FRMD3: variants seen among roughly 807,000 people sequenced by gnomAD.
The protein encoded by FRMD3 is FERM domain-containing protein 3.
Under a neutral mutation model 70.2 loss-of-function variants are expected in FRMD3, and 33 were observed. That is an observed-to-expected ratio of 0.47 (90% CI 0.36 to 0.63). The LOEUF (loss-of-function observed/expected upper bound fraction) is 0.63, where lower values mean the gene tolerates loss of function less well. Ranked by LOEUF, FRMD3 falls within the 20% of genes least tolerant of loss-of-function variation. FRMD3 has a pLI of 0.00. For synonymous variants in FRMD3, 279 were observed against 255.9 expected, an observed-to-expected ratio of 1.09 and a Z score of -0.86; for missense variants, 632 against 711.4, an observed-to-expected ratio of 0.89 and a Z score of 1.27.
chr9:83,494,460 T>C (rs1442436530), intron 1 of FRMD3, among the ~76,000 whole-genome samples: 1 of 152,216 alleles, frequency 6.6e-6, no homozygotes, highest in Non-Finnish European at 1.5e-5. Context: ...ATCTGGGATG[T>C]TTCCCCCACT....
At position 83,444,551 on chromosome 9, in the gene FRMD3, C is replaced by T. The variant is rs112456562; in HGVS notation, c.148-54843G>A. On this transcript the variant is annotated intron_variant, in intron 1 of 13. Coordinates refer to ENST00000304195, the MANE Select transcript of FRMD3 (RefSeq NM_174938.6). Reference sequence around the variant, plus strand: ...CTCTGCAGAAGTGAAGTTAGTTCTCCCTGTCCCAAAACAGGACGAAAATGG... The same window carrying T: ...CTCTGCAGAAGTGAAGTTAGTTCTCTCTGTCCCAAAACAGGACGAAAATGG... Among the ~76,000 whole-genome samples the T allele has an allele frequency of 4.1e-3, 620 of 152,244 alleles. 3 individuals carry two copies. Among genetic ancestry groups the T allele is most frequent in the African/African-American group, 0.014 (589 of 41,546 alleles).
At chr9:83,557,324 A>G in the FRMD3 span, among the ~76,000 whole-genome samples, 1 of 152,252 alleles carries the variant, frequency 6.6e-6, no homozygotes, top group Non-Finnish European at 1.5e-5. Context: ...CATGCACAAA[A>G]TAAGAAGTAA....
At chr9:83,546,070 A>G in the FRMD3 span, among the ~76,000 whole-genome samples, 7 of 152,262 alleles carry the variant, frequency 4.6e-5, no homozygotes, top group African/African-American at 1.7e-4. Flanking sequence ...CAAAAAAAAA[A>G]AAAAAGCCAG....
chr9:83,488,928 T>C (rs559742078), intron 1 of FRMD3, among the ~76,000 whole-genome samples: 8 of 151,872 alleles, frequency 5.3e-5, no homozygotes, highest in Admixed American at 5.2e-4. Context: ...GTCATCAGAA[T>C]GTCTCCCATT....
intron 13 of FRMD3, among the ~76,000 whole-genome samples, chr9:83,272,380 T>G (rs1833594685): frequency 6.6e-6 from 1 of 152,042 alleles, no homozygotes; most frequent in Non-Finnish European, 1.5e-5. Flanking sequence ...GGTGCCGGGA[T>G]TGCAGACGGA....
At chr9:83,527,180 T>G (rs1051967387) in intron 1 of FRMD3, among the ~76,000 whole-genome samples, 10 of 152,164 alleles carry the variant, frequency 6.6e-5, no homozygotes, top group Non-Finnish European at 1.2e-4. Flanking sequence ...AAAGCAAGAC[T>G]GGGAAGCCTG....
intron 1 of FRMD3, among the ~76,000 whole-genome samples, chr9:83,534,770 G>A (rs1382070807): frequency 6.6e-6 from 1 of 152,200 alleles, no homozygotes; most frequent in African/African-American, 2.4e-5. Flanking sequence ...GGGTGGAAAT[G>A]GCCCCCAGTG....
At chr9:83,294,149 A>T (rs945227165) in intron 12 of FRMD3, among the ~76,000 whole-genome samples, 4 of 152,222 alleles carry the variant, frequency 2.6e-5, no homozygotes, top group African/African-American at 9.6e-5. Context: ...GATCACATGA[A>T]TAGAATTAGT....
At chr9:83,538,418 C>G, upstream of FRMD3, 1 of 411,770 alleles carries the variant, frequency 2.4e-6, no homozygotes, top group East Asian at 3.9e-5. The surrounding 1 kb of genome is among the most constrained non-coding windows in gnomAD (Gnocchi z 4.7). Context: ...GTCCCTCCCT[C>G]TGTTCGCTCG....
At chr9:83,249,387 T>C (rs529126792) in intron 13 of FRMD3, among the ~76,000 whole-genome samples, 1 of 152,280 alleles carries the variant, frequency 6.6e-6, no homozygotes, top group South Asian at 2.1e-4. Flanking sequence ...TAGGGCTAAC[T>C]CTGCTAATTT....
At chr9:83,361,576 A>C (rs1824586095) in intron 3 of FRMD3, among the ~76,000 whole-genome samples, 1 of 152,246 alleles carries the variant, frequency 6.6e-6, no homozygotes, top group Non-Finnish European at 1.5e-5. Context: ...TAGTAAGCTA[A>C]AGAAAGAGGC....
upstream of FRMD3, chr9:83,538,529 A>AC (rs1181446435): frequency 3.8e-6 from 1 of 262,310 alleles, no homozygotes; most frequent in East Asian, 6.8e-5. The surrounding 1 kb of genome is among the most constrained non-coding windows in gnomAD (Gnocchi z 4.7). Flanking sequence ...AGAGCCTGAG[A>AC]CCCCCGGCGG....
chr9:83,422,956 C>T (rs1218595106), intron 1 of FRMD3, among the ~76,000 whole-genome samples: 1 of 152,174 alleles, frequency 6.6e-6, no homozygotes, highest in Non-Finnish European at 1.5e-5. Flanking sequence ...GGAACGAATG[C>T]TTAAGCAAAG....
intron 1 of FRMD3, among the ~76,000 whole-genome samples, chr9:83,451,916 T>C (rs1827670482): frequency 6.6e-6 from 1 of 152,262 alleles, no homozygotes; most frequent in Admixed American, 6.5e-5. Context: ...AAATTATTCA[T>C]AACTGTCAAG....
At chr9:83,362,573 AAAT>A in intron 3 of FRMD3, among the ~76,000 whole-genome samples, 1 of 152,336 alleles carries the variant, frequency 6.6e-6, no homozygotes, top group South Asian at 2.1e-4. Context: ...AGTCTCTGGT[AAAT>A]AGGGCAAGAA....
At chr9:83,395,839 C>T (rs1051914337) in intron 1 of FRMD3, among the ~76,000 whole-genome samples, 2 of 151,644 alleles carry the variant, frequency 1.3e-5, no homozygotes, top group Non-Finnish European at 2.9e-5. Context: ...TTTTGTTCAG[C>T]CTTTTAGACA....
At chr9:83,366,303 G>A (rs1187945051) in intron 3 of FRMD3, among the ~76,000 whole-genome samples, 3 of 152,190 alleles carry the variant, frequency 2.0e-5, no homozygotes, top group African/African-American at 7.2e-5. Flanking sequence ...AGGTGCTGTG[G>A]CTCTCGCCTG....
intron 3 of FRMD3, among the ~76,000 whole-genome samples, chr9:83,365,970 C>T (rs903160701): frequency 2.0e-5 from 3 of 152,188 alleles, no homozygotes; most frequent in East Asian, 3.9e-4. Context: ...CTCAGCAGCA[C>T]ACACCAACCC....
chr9:83,571,118 G>A, the FRMD3 span, among the ~76,000 whole-genome samples: 2 of 152,172 alleles, frequency 1.3e-5, no homozygotes, highest in Non-Finnish European at 2.9e-5. Flanking sequence ...CCATGGAGGT[G>A]AGCACTTGCT....
Sources: gnomAD v4.1 joint callset for allele counts (sites outside exome capture counted in the v4.1 genomes callset) on GRCh38, gnomAD v4.1.1 for gene constraint, Gnocchi (gnomAD v3.1) non-coding constraint, MANE v1.5 for transcripts, NCBI Gene and HGNC (gene_info 2026-07-23, HGNC 2026-07-21) for gene names.